The following SAE1 variants were observed in gnomAD, a reference collection of about 807,000 sequenced individuals.
SAE1 encodes SUMO-activating enzyme subunit 1.
A neutral mutation model predicts 40.6 loss-of-function variants in SAE1; 11 were observed. That is an observed-to-expected ratio of 0.27 (90% CI 0.17 to 0.45). SAE1 has a LOEUF of 0.45. Among genes scored for constraint, SAE1 ranks in the 20% least tolerant of loss-of-function variants. The pLI, the probability that SAE1 is intolerant of heterozygous loss-of-function variation, is 1.00. For missense variants in SAE1, 373 were observed against 427.3 expected (o/e 0.87, Z 1.12); for synonymous variants, 155 against 154.3 (o/e 1.00, Z -0.03).
intron 6 of SAE1, among the ~76,000 whole-genome samples, chr19:47,182,481 G>A (rs1052580501): frequency 2.8e-5 from 4 of 142,494 alleles, no homozygotes; most frequent in Admixed American, 7.1e-5. Flanking sequence ...GTGTGTGTGT[G>A]TGTGTGTGTG....
At chr19:47,198,572 G>A (rs2058631627) in intron 7 of SAE1, among the ~76,000 whole-genome samples, 2 of 152,144 alleles carry the variant, frequency 1.3e-5, no homozygotes, top group Admixed American at 1.3e-4. Context: ...CTAGGCATCA[G>A]GTAGTAAGTA....
chr19:47,205,881 A>G (rs1193147644), intron 8 of SAE1, among the ~76,000 whole-genome samples: 1 of 152,206 alleles, frequency 6.6e-6, no homozygotes, highest in Non-Finnish European at 1.5e-5. Flanking sequence ...GGGCCCAGGC[A>G]GTCTGGTTTC....
intron 6 of SAE1, among the ~76,000 whole-genome samples, chr19:47,175,028 CAT>C (rs2058460457): frequency 6.6e-6 from 1 of 150,832 alleles, no homozygotes; most frequent in South Asian, 2.1e-4. Flanking sequence ...TTTACAATCA[CAT>C]ATTGTGTAGC....
At chr19:47,161,873 G>T (rs756484180) in intron 5 of SAE1, among the ~76,000 whole-genome samples, 21 of 152,262 alleles carry the variant, frequency 1.4e-4, no homozygotes, top group Admixed American at 6.5e-4. Flanking sequence ...TGTATGCATG[G>T]TGCCACCTGC....
chr19:47,182,464 AGTG>A (rs1375878776), intron 6 of SAE1, among the ~76,000 whole-genome samples: 1 of 144,360 alleles, frequency 6.9e-6, no homozygotes, highest in African/African-American at 2.5e-5. Flanking sequence ...AAAAAAGCGT[AGTG>A]TGTGTGTGTG....
At chr19:47,196,541 T>G (rs2123309975) in intron 6 of SAE1, among the ~76,000 whole-genome samples, 1 of 149,138 alleles carries the variant, frequency 6.7e-6, no homozygotes. Context: ...TTTTTGTATT[T>G]TTAGTAGAGA....
chr19:47,205,032 AC>A (rs2058678521), intron 8 of SAE1, among the ~76,000 whole-genome samples: 1 of 152,022 alleles, frequency 6.6e-6, no homozygotes, highest in Non-Finnish European at 1.5e-5. Flanking sequence ...ACTATACCAT[AC>A]CCCCAAATAT....
intron 6 of SAE1, among the ~76,000 whole-genome samples, chr19:47,170,206 CT>C (rs544845979): frequency 2.6e-5 from 4 of 151,524 alleles, no homozygotes; most frequent in Non-Finnish European, 5.9e-5. Flanking sequence ...TGAGAAACCT[CT>C]TTTTTTTTCT....
intron 5 of SAE1, among the ~76,000 whole-genome samples, chr19:47,169,560 G>A (rs2058417784): frequency 6.6e-6 from 1 of 152,072 alleles, no homozygotes; most frequent in African/African-American, 2.4e-5. Context: ...AGAGTTAAAG[G>A]GCCAGAGTGG....
At chr19:47,206,820 G>C (rs186837995) in intron 8 of SAE1, among the ~76,000 whole-genome samples, 164 of 152,236 alleles carry the variant, frequency 1.1e-3, no homozygotes, top group Middle Eastern at 0.01. Flanking sequence ...AATTTACTAC[G>C]TGCTCGGCAC....
intron 2 of SAE1, among the ~76,000 whole-genome samples, chr19:47,144,980 C>T (rs2058246349): frequency 6.6e-6 from 1 of 151,858 alleles, no homozygotes; most frequent in African/African-American, 2.4e-5. Context: ...TACAGGCACG[C>T]ACCACCACGC....
chr19:47,157,069 A>G (rs1214395047), intron 5 of SAE1, among the ~76,000 whole-genome samples: 1 of 152,222 alleles, frequency 6.6e-6, no homozygotes, highest in Non-Finnish European at 1.5e-5. Context: ...GAGTGCAGAA[A>G]CCACAAAAGA....
At chr19:47,161,459 A>G (rs1414589350) in intron 5 of SAE1, among the ~76,000 whole-genome samples, 1 of 152,066 alleles carries the variant, frequency 6.6e-6, no homozygotes, top group Non-Finnish European at 1.5e-5. Flanking sequence ...TCTATCTTCT[A>G]CTTCTTCTCC....
chr19:47,180,493 T>TG (rs1253224492), intron 6 of SAE1, among the ~76,000 whole-genome samples: 1 of 152,150 alleles, frequency 6.6e-6, no homozygotes, highest in Non-Finnish European at 1.5e-5. Context: ...CTAAAATCAA[T>TG]GGGGAACAGT....
chr19:47,154,509 T>C (rs375920163), intron 4 of SAE1, among the ~76,000 whole-genome samples: 8 of 126,532 alleles, frequency 6.3e-5, no homozygotes, highest in African/African-American at 2.1e-4. Context: ...TTTTTTTTTT[T>C]TCTGAGACAG....
At position 47,143,588 on chromosome 19, in the gene SAE1, A is replaced by T. The variant is rs369284296; in HGVS notation, c.193A>T (p.Met65Leu). 2.2e-5 allele frequency: 36 copies of T among 1,613,680 alleles called. No individual in the cohort carries two copies. The East Asian group carries it at 6.0e-4, about 27-fold the overall frequency. Residue 65 changes from methionine (M) to leucine (L), a missense_variant, in exon 2 of 9, where the codon ATG (methionine) becomes TTG (leucine). This residue lies in a region of SAE1 where 351 missense variants were observed against 390.6 expected (regional missense o/e 0.90). Coordinates refer to ENST00000270225, the MANE Select transcript of SAE1 (RefSeq NM_005500.3). The part of the protein sequence containing the change: ...LILAGVKGLT[M>L]LDHEQVTPED... ...CTTGGCAGGAGTGAAAGGACTGACC[A>T]TGCTGGATCACGAACAGGTGCGCTG... is the stretch of plus-strand genomic sequence containing the variant.
chr19:47,179,150 C>T (rs1600191370), intron 6 of SAE1, among the ~76,000 whole-genome samples: 1 of 150,064 alleles, frequency 6.7e-6, no homozygotes, highest in East Asian at 2.0e-4. Flanking sequence ...CGAGATCTCA[C>T]CACTGCACTC....
rs35991953 is a variant in SAE1, at chr19:47,137,703, TTGTG to T, written c.99-5769_99-5766del. On this transcript the variant is annotated intron_variant, in intron 1 of 8. Transcript: ENST00000270225. The stretch of plus-strand genomic sequence containing the variant: ...GGCGTATGCCGTAACACTCAGCTGA[TTGTG>T]TGTGTGTGTGTGTGTGTGTGTTGTT... Among the ~76,000 whole-genome samples the T allele has an allele frequency of 7.8e-3, 1,051 of 134,938 alleles. 10 individuals are homozygous for T. The highest frequency in any genetic ancestry group is 0.025 in the African/African-American group (900 of 36,624). 88.5% of individuals were successfully genotyped at this position (134,938 alleles called of 152,430 possible). A position where few individuals can be genotyped will look rare whatever the true frequency, so the allele number is the denominator to read the frequency against.
chr19:47,159,121 C>T (rs2058341801), intron 5 of SAE1, among the ~76,000 whole-genome samples: 1 of 152,168 alleles, frequency 6.6e-6, no homozygotes, highest in African/African-American at 2.4e-5. Flanking sequence ...TTGTTCCTGA[C>T]TGTACTAGAA....
Sources: allele counts gnomAD v4.1 joint callset (sites outside exome capture counted in the v4.1 genomes callset), GRCh38; gene constraint gnomAD v4.1.1; regional missense constraint gnomAD v4.1.1; transcripts MANE v1.5; gene names NCBI Gene and HGNC (gene_info 2026-07-23, HGNC 2026-07-21).